Variants in WWOX observed in about 807,000 individuals in gnomAD.
The protein encoded by WWOX is WW domain-containing oxidoreductase.
Under a neutral mutation model 46.2 loss-of-function variants are expected in WWOX, and 69 were observed. The observed-to-expected ratio is 1.49, with a 90% CI of 1.23 to 1.82. WWOX has a LOEUF of 1.82. Among genes scored for constraint, WWOX ranks in the 40% most tolerant of loss-of-function variants. The pLI is 0.00. For synonymous variants in WWOX, 359 were observed against 202.6 expected, an observed-to-expected ratio of 1.77 and a Z score of -6.56; for missense variants, 919 against 542.6, an observed-to-expected ratio of 1.69 and a Z score of -6.89.
At chr16:78,312,724 A>G (rs1177542638) in intron 5 of WWOX, among the ~76,000 whole-genome samples, 1 of 152,180 alleles carries the variant, frequency 6.6e-6, no homozygotes. Flanking sequence ...ATTTCTCTGC[A>G]TTGGAGGAAG....
At chr16:78,850,805 A>C (rs1043160111) in intron 8 of WWOX, among the ~76,000 whole-genome samples, 5 of 152,182 alleles carry the variant, frequency 3.3e-5, no homozygotes, top group Non-Finnish European at 7.3e-5. Context: ...TTTGAGCCCC[A>C]CTGTCTTTTC....
intron 8 of WWOX, among the ~76,000 whole-genome samples, chr16:78,464,887 C>G (rs182461725): frequency 1.5e-3 from 229 of 152,204 alleles, no homozygotes; most frequent in African/African-American, 5.4e-3. Context: ...GAAGAAATAC[C>G]CGAGACTGGG....
At chr16:78,854,320 A>T (rs1328084082) in intron 8 of WWOX, among the ~76,000 whole-genome samples, 2 of 152,220 alleles carry the variant, frequency 1.3e-5, no homozygotes, top group African/African-American at 4.8e-5. Flanking sequence ...GCAGTTTATC[A>T]AATAGAATTC....
intron 8 of WWOX, among the ~76,000 whole-genome samples, chr16:78,792,454 C>A (rs944393862): frequency 6.6e-6 from 1 of 152,156 alleles, no homozygotes; most frequent in Non-Finnish European, 1.5e-5. Context: ...ATCATATGGT[C>A]GTACTCCAGG....
intron 5 of WWOX, among the ~76,000 whole-genome samples, chr16:78,219,658 T>C (rs530771763): frequency 7.6e-4 from 115 of 152,296 alleles, no homozygotes; most frequent in African/African-American, 2.6e-3. Flanking sequence ...TTCTCTCTCA[T>C]ATTATTTGGG....
In WWOX at chr16:79,105,381, T is replaced by C. The variant is rs116079826; in HGVS notation, c.1057-106227T>C. On this transcript the variant is annotated intron_variant, in intron 8 of 8. Transcript: ENST00000566780. ...CTCAGAGAAAAGGGCACCAACTCCA[T>C]ATTCGTACCCATGTACGTATTCATA... 7.1e-3 allele frequency among the ~76,000 whole-genome samples: 1,077 copies of C among 152,272 alleles called. 17 individuals are homozygous for C. Among genetic ancestry groups the C allele is most frequent in the African/African-American group, 0.025 (1,024 of 41,542 alleles).
intron 8 of WWOX, among the ~76,000 whole-genome samples, chr16:79,002,102 A>G (rs756941346): frequency 6.6e-6 from 1 of 152,150 alleles, no homozygotes; most frequent in Non-Finnish European, 1.5e-5. Flanking sequence ...CAGGCAGTGA[A>G]ACCTGAATCT....
chr16:79,152,991 C>T (rs1219534115), intron 8 of WWOX, among the ~76,000 whole-genome samples: 1 of 152,026 alleles, frequency 6.6e-6, no homozygotes. Flanking sequence ...GGGGGAAATA[C>T]AAGGAAGGAA....
chr16:78,234,270 G>A (rs2037365163), intron 5 of WWOX, among the ~76,000 whole-genome samples: 1 of 152,028 alleles, frequency 6.6e-6, no homozygotes, highest in South Asian at 2.1e-4. Context: ...TTCCAGTCTA[G>A]GTTATTATAC....
chr16:78,166,861 G>C (rs144415734), intron 5 of WWOX: 1 of 152,268 alleles, frequency 6.6e-6, no homozygotes, highest in East Asian at 1.9e-4. Context: ...CCGACCTCCC[G>C]AGTCATTTCT....
At chr16:78,939,119 G>A (rs757233710) in intron 8 of WWOX, among the ~76,000 whole-genome samples, 3 of 152,192 alleles carry the variant, frequency 2.0e-5, no homozygotes, top group Non-Finnish European at 4.4e-5. Context: ...TGGATTTTCT[G>A]CCCATTGACT....
At chr16:78,832,575 G>C (rs1340072360) in intron 8 of WWOX, among the ~76,000 whole-genome samples, 3 of 152,148 alleles carry the variant, frequency 2.0e-5, no homozygotes, top group African/African-American at 7.2e-5. Context: ...TCGCTTCACT[G>C]GTTCGGCTAT....
chr16:78,609,016 C>T (rs2045833101), intron 8 of WWOX, among the ~76,000 whole-genome samples: 1 of 151,900 alleles, frequency 6.6e-6, no homozygotes, highest in African/African-American at 2.4e-5. Flanking sequence ...TATTTGGGAC[C>T]CTTTTTTAAA....
intron 5 of WWOX, among the ~76,000 whole-genome samples, chr16:78,312,840 C>G (rs1165351829): frequency 6.6e-6 from 1 of 152,206 alleles, no homozygotes; most frequent in Non-Finnish European, 1.5e-5. Flanking sequence ...TAGGCTCTGC[C>G]CTAAGTGGTC....
chr16:79,051,382 C>T (rs1012575085), intron 8 of WWOX, among the ~76,000 whole-genome samples: 11 of 152,168 alleles, frequency 7.2e-5, no homozygotes, highest in Admixed American at 3.3e-4. Context: ...GATCAGCAAG[C>T]CGCTGTCCTC....
intron 8 of WWOX, among the ~76,000 whole-genome samples, chr16:78,692,862 C>T (rs567279358): frequency 6.6e-6 from 1 of 152,114 alleles, no homozygotes; most frequent in Admixed American, 6.5e-5. Context: ...GGTGAATAGG[C>T]CATGTTGTTT....
intron 8 of WWOX, among the ~76,000 whole-genome samples, chr16:78,963,272 C>A (rs1466982350): frequency 1.3e-5 from 2 of 152,094 alleles, no homozygotes; most frequent in Non-Finnish European, 2.9e-5. Flanking sequence ...AGTTGAAGAC[C>A]AGTCTGGGCA....
intron 8 of WWOX, among the ~76,000 whole-genome samples, chr16:78,920,578 C>A (rs1048518143): frequency 1.3e-5 from 2 of 152,162 alleles, no homozygotes; most frequent in South Asian, 2.1e-4. Context: ...TAAATGTCAG[C>A]TTTGAGTGAA....
intron 8 of WWOX, among the ~76,000 whole-genome samples, chr16:79,008,050 A>C (rs1038398840): frequency 1.3e-5 from 2 of 152,198 alleles, no homozygotes; most frequent in African/African-American, 4.8e-5. Context: ...GGGTCTCATG[A>C]GGCTGAAATC....
Sources: allele counts gnomAD v4.1 joint callset (sites outside exome capture counted in the v4.1 genomes callset), GRCh38; gene constraint gnomAD v4.1.1; transcripts MANE v1.5; gene names NCBI Gene and HGNC (gene_info 2026-07-23, HGNC 2026-07-21).